ANKS1B: variants seen among roughly 807,000 people sequenced by gnomAD.
The protein encoded by ANKS1B is ankyrin repeat and sterile alpha motif domain containing 1B.
ANKS1B carries 36 observed loss-of-function variants against 148.3 expected under a neutral mutation model. That is an observed-to-expected ratio of 0.24 (90% CI 0.19 to 0.32). The LOEUF is 0.32. Among genes scored for constraint, ANKS1B ranks in the 10% least tolerant of loss-of-function variants. The pLI, the probability that ANKS1B is intolerant of heterozygous loss-of-function variation, is 1.00. For synonymous variants in ANKS1B, 542 were observed against 560.8 expected (o/e 0.97, Z 0.47); for missense variants, 1,157 against 1,542.6 (o/e 0.75, Z 4.19).
At chr12:99,157,371 T>C (rs941088826) in intron 14 of ANKS1B, among the ~76,000 whole-genome samples, 2 of 152,210 alleles carry the variant, frequency 1.3e-5, no homozygotes, top group Non-Finnish European at 2.9e-5. Flanking sequence ...AATGACACTT[T>C]GGCTTGGCAA....
At chr12:99,208,218 T>C (rs1209826290) in intron 14 of ANKS1B, among the ~76,000 whole-genome samples, 1 of 152,116 alleles carries the variant, frequency 6.6e-6, no homozygotes, top group Non-Finnish European at 1.5e-5. Flanking sequence ...ATCCTCTCTA[T>C]TAAAGAGCTA....
intron 14 of ANKS1B, among the ~76,000 whole-genome samples, chr12:99,185,702 C>T (rs2079743869): frequency 6.6e-6 from 1 of 152,198 alleles, no homozygotes; most frequent in Non-Finnish European, 1.5e-5. Context: ...AGGAACGGTG[C>T]ATTCTGGCCC....
intron 12 of ANKS1B, among the ~76,000 whole-genome samples, chr12:99,378,906 C>T (rs2093518587): frequency 6.6e-6 from 1 of 152,146 alleles, no homozygotes; most frequent in Non-Finnish European, 1.5e-5. Flanking sequence ...CAACACGTAC[C>T]TGGCTGGACT....
intron 8 of ANKS1B, among the ~76,000 whole-genome samples, chr12:99,705,543 T>C (rs1036059981): frequency 1.3e-5 from 2 of 152,164 alleles, no homozygotes; most frequent in Non-Finnish European, 2.9e-5. Context: ...ATGGTCATTG[T>C]TTTAATTTCT....
chr12:99,103,902 C>T (rs116357687), intron 15 of ANKS1B, among the ~76,000 whole-genome samples: 1,557 of 152,260 alleles, frequency 0.01, 27 homozygotes, highest in African/African-American at 0.035. Context: ...TAATCTAATA[C>T]TTACTATATA....
At chr12:99,719,767 T>C (rs1600576090) in intron 8 of ANKS1B, among the ~76,000 whole-genome samples, 1 of 152,208 alleles carries the variant, frequency 6.6e-6, no homozygotes, top group East Asian at 1.9e-4. Context: ...TCAAAGCTGC[T>C]TTACTTCCAA....
intron 12 of ANKS1B, among the ~76,000 whole-genome samples, chr12:99,359,992 G>C (rs1302100428): frequency 6.6e-6 from 1 of 152,098 alleles, no homozygotes; most frequent in Non-Finnish European, 1.5e-5. Flanking sequence ...AGTTTAAACA[G>C]TCAATTAATT....
intron 17 of ANKS1B, among the ~76,000 whole-genome samples, chr12:98,836,638 C>T (rs1483785010): frequency 6.6e-6 from 1 of 152,072 alleles, no homozygotes; most frequent in African/African-American, 2.4e-5. Context: ...TCCTACAACC[C>T]CAGGCATCAT....
At chr12:99,288,070 T>A (rs888926173) in intron 12 of ANKS1B, among the ~76,000 whole-genome samples, 3 of 152,126 alleles carry the variant, frequency 2.0e-5, no homozygotes, top group Admixed American at 1.3e-4. Flanking sequence ...GAAGGTTCTA[T>A]AACACCAAGC....
At chr12:99,150,927 T>A (rs531834381) in intron 15 of ANKS1B, among the ~76,000 whole-genome samples, 144 of 152,086 alleles carry the variant, frequency 9.5e-4, no homozygotes, top group African/African-American at 3.4e-3. Flanking sequence ...AGACAAAAGA[T>A]TCTGTTGTGA....
intron 17 of ANKS1B, among the ~76,000 whole-genome samples, chr12:98,970,151 T>C (rs1298226928): frequency 1.3e-5 from 2 of 152,224 alleles, no homozygotes; most frequent in Non-Finnish European, 2.9e-5. Context: ...TCTCAATATG[T>C]ATTTACATTT....
chr12:99,935,669 C>A (rs2094748053), intron 1 of ANKS1B, among the ~76,000 whole-genome samples: 1 of 152,116 alleles, frequency 6.6e-6, no homozygotes, highest in South Asian at 2.1e-4. Flanking sequence ...CCTCAATAAG[C>A]CCTCTAATGC....
At chr12:99,787,918 T>C (rs1471590404) in intron 4 of ANKS1B, among the ~76,000 whole-genome samples, 3 of 152,182 alleles carry the variant, frequency 2.0e-5, no homozygotes, top group Non-Finnish European at 4.4e-5. Flanking sequence ...GCCCACACAT[T>C]GAGGGGACAT....
intron 1 of ANKS1B, among the ~76,000 whole-genome samples, chr12:99,920,163 C>T (rs2094308208): frequency 6.6e-6 from 1 of 152,120 alleles, no homozygotes. Context: ...GAGGGCCCCA[C>T]TATCCTGGAT....
At chr12:99,894,903 G>C (rs1388231283) in intron 1 of ANKS1B, among the ~76,000 whole-genome samples, 9 of 150,564 alleles carry the variant, frequency 6.0e-5, no homozygotes, top group Non-Finnish European at 8.9e-5. Flanking sequence ...AGGTAGGCTA[G>C]ACTGAGCTAC....
intron 8 of ANKS1B, chr12:99,706,532 G>A (rs2055801599): frequency 6.6e-6 from 1 of 151,902 alleles, no homozygotes; most frequent in African/African-American, 2.4e-5. Flanking sequence ...AGGGACCTAT[G>A]GCAGAAAAAC....
intron 12 of ANKS1B, among the ~76,000 whole-genome samples, chr12:99,259,455 C>G (rs1351270465): frequency 6.6e-6 from 1 of 152,222 alleles, no homozygotes; most frequent in Non-Finnish European, 1.5e-5. Context: ...GCATTTACTG[C>G]GGAAGCCAGA....
intron 9 of ANKS1B, among the ~76,000 whole-genome samples, chr12:99,561,277 G>A (rs527364895): frequency 6.6e-6 from 1 of 152,046 alleles, no homozygotes; most frequent in Non-Finnish European, 1.5e-5. Flanking sequence ...TTTCAAAATC[G>A]GAGTCAATCC....
At chr12:98,986,264 A>C (rs1325630352) in intron 17 of ANKS1B, among the ~76,000 whole-genome samples, 2 of 148,040 alleles carry the variant, frequency 1.4e-5, no homozygotes, top group South Asian at 4.4e-4. Context: ...TAATTTTAGA[A>C]ATTCTCAGTC....
Sources: allele counts gnomAD v4.1 joint callset (sites outside exome capture counted in the v4.1 genomes callset), GRCh38; gene constraint gnomAD v4.1.1; transcripts MANE v1.5; gene names NCBI Gene and HGNC (gene_info 2026-07-23, HGNC 2026-07-21).